The following SLITRK1 variants were observed in gnomAD, a reference collection of about 807,000 sequenced individuals.
The protein encoded by SLITRK1 is SLIT and NTRK like family member 1.
Under a neutral mutation model 42.4 loss-of-function variants are expected in SLITRK1, and 10 were observed. The ratio of observed to expected loss-of-function variants is 0.24; its 90% CI spans 0.15 to 0.40. SLITRK1 has a LOEUF of 0.40. SLITRK1 is among the 10% of genes least tolerant of loss of function. The probability of loss-of-function intolerance (pLI) is 1.00; values close to 1 mark genes in which losing one functional copy is unlikely to be tolerated. For synonymous variants in SLITRK1, 389 were observed against 365.7 expected, an observed-to-expected ratio of 1.06 and a Z score of -0.73; for missense variants, 778 against 848.8, an observed-to-expected ratio of 0.92 and a Z score of 1.04.
In SLITRK1 at chr13:83,880,063, A is replaced by C. The variant is rs1327591074; in HGVS notation, c.1445T>G (p.Leu482Arg). 6.2e-7 allele frequency: 1 copy of C among 1,614,014 alleles called. No individual in the cohort carries two copies. The highest frequency in any genetic ancestry group is 2.2e-5 in the East Asian group (1 of 44,838). ...KLRILILNNN[L>R]LRSLPVDVFA... ...CACGTCCACAGGCAGGGACCTCAGC[A>C]GGTTGTTGTTGAGAATGAGGATCCT... Residue 482 changes from leucine to arginine, a missense_variant, in exon 2 of 2, where the codon CTG becomes CGG. By Grantham distance (102) the Leu-to-Arg change is moderately radical. Coordinates refer to ENST00000674365, the MANE Select transcript of SLITRK1 (RefSeq NM_001281503.2).
chr13:83,877,631 A>T lies in SLITRK1; in HGVS notation c.*1786T>A, dbSNP rs1353514003. The T allele has an allele frequency of 1.6e-5, 2 of 123,772 alleles. No individual in the cohort carries two copies. Among genetic ancestry groups the T allele is most frequent in the Non-Finnish European group, 3.1e-5 (2 of 63,690 alleles). 7.7% of individuals were successfully genotyped at this position (123,772 alleles called of 1,614,324 possible). The stretch of plus-strand genomic sequence containing the variant: ...AGAGAAACACTTCTTTAGGATAATG[A>T]TTAATTTCCATAAAGATGAGTGCTT... On this transcript the variant is annotated 3_prime_UTR_variant, in exon 2 of 2. Transcript: ENST00000674365.
Position 83,881,243 on chromosome 13 carries a change from T to A in SLITRK1, c.265A>T (p.Met89Leu). 6.2e-7 allele frequency: 1 copy of A among 1,614,112 alleles called. No individual in the cohort carries two copies. Residue 89 changes from methionine (M) to leucine (L), a missense_variant, in exon 2 of 2, where the codon ATG becomes TTG. Physicochemically the swap from Met to Leu is conservative, Grantham distance 15. Transcript: ENST00000674365. ...ATTTCATGCAAGCCATTGTTTTCCA[T>A]GTGCAAACTAACCGCATTATAAAAG... ...ANFYNAVSLH[M>L]ENNGLHEIVP...
chr13:83,881,685 T>C lies in SLITRK1; in HGVS notation c.-53-125A>G, dbSNP rs144821830. 9.3e-4 allele frequency: 557 copies of C among 598,116 alleles called. 3 individuals carry two copies. The highest frequency in any genetic ancestry group is 7.8e-3 in the East Asian group (228 of 29,086). The allele number at this position is 598,116 out of a possible 1,614,324, so 37.1% of individuals were successfully genotyped here. ...CCTCCCTAACCCCCCCGCACTGCAA[T>C]AGCCCAGACGCCAGTCAATAATTAT... On this transcript the variant is annotated intron_variant, in intron 1 of 1. Transcript: ENST00000674365.
chr13:83,881,693 A>C, intron 1 of SLITRK1, 133 bp from the exon 2 acceptor site: 1 of 561,178 alleles, frequency 1.8e-6, no homozygotes, highest in Non-Finnish European at 3.2e-6. Flanking sequence ...AATAGCCCAG[A>C]CGCCAGTCAA....
Position 83,880,651 on chromosome 13 carries a change from A to T in SLITRK1, c.857T>A (p.Leu286Gln), listed in dbSNP as rs779033107. ...CCCATTTGTCTTGAAAGGAGTTGGC[A>T]GGGGTCCAGGAGCAAAGGTCTCTTC... ...AQEETFAPGP[L>Q]PTPFKTNGQE... Residue 286 changes from leucine (L) to glutamine (Q), a missense_variant, in exon 2 of 2, where the codon CTG (leucine) becomes CAG (glutamine). Leu to Gln is a moderately radical substitution (Grantham distance 113). Around this residue, in one of 4 missense-constraint regions of SLITRK1, gnomAD observed 395 missense variants for 360.4 expected, o/e 1.10. Coordinates refer to ENST00000674365, the MANE Select transcript of SLITRK1 (RefSeq NM_001281503.2). 1.2e-6 allele frequency: 2 copies of T among 1,614,076 alleles called. No individual in the cohort carries two copies. The highest frequency in any genetic ancestry group is 4.5e-5 in the East Asian group (2 of 44,864).
At position 83,881,325 on chromosome 13, in the gene SLITRK1, G is replaced by GT; in HGVS notation, c.182dup (p.Tyr61Ter). 1 of 1,614,144 alleles carries GT rather than the reference G, an allele frequency of 6.2e-7. No individual in the cohort carries two copies. Among genetic ancestry groups the GT allele is most frequent in the Non-Finnish European group, 8.5e-7 (1 of 1,180,036 alleles). The change falls in exon 2 of 2, where the codon TAC (tyrosine) becomes TAAC (stop). Residue 61 changes from tyrosine (Y) to a stop codon, truncating the protein, a stop_gained and frameshift_variant. Coordinates refer to ENST00000674365, the MANE Select transcript of SLITRK1 (RefSeq NM_001281503.2). LOFTEE classifies it high-confidence loss of function. ...QRFTAPTSQF[Y>*]HLFLHGNSLT... ...GGGAATTGCCATGCAGAAATAAATG[G>GT]TAAAACTGGGAAGTCGGGGCAGTGA...
At position 83,879,750 on chromosome 13, in the gene SLITRK1, C is replaced by A. The variant is rs1342232075; in HGVS notation, c.1758G>T (p.Ser586=). 1 of 1,613,758 alleles carries A rather than the reference C, an allele frequency of 6.2e-7. No homozygotes were observed. Among genetic ancestry groups the A allele is most frequent in the African/African-American group, 1.3e-5 (1 of 74,858 alleles). ...EICPQLYARI[S]PTLTSHSKNS... ...TTTTACTGTGCGAAGTTAACGTGGG[C>A]GAGATCCTAGCGTACAGCTGAGGGC... The change falls in exon 2 of 2, where the codon TCG becomes TCT. Residue 586 remains serine, a synonymous_variant. Transcript: ENST00000674365.
In SLITRK1 at chr13:83,879,233, A is replaced by C; in HGVS notation, c.*184T>G. On this transcript the variant is annotated 3_prime_UTR_variant, in exon 2 of 2. Transcript: ENST00000674365. The stretch of plus-strand genomic sequence containing the variant: ...TCTCCACAGTCTGCTCTTTGTTTCA[A>C]GGAGGGAGCTAAGTAAGGGGTCAGG... 1.5e-6 allele frequency: 1 copy of C among 687,342 alleles called. No individual in the cohort carries two copies. Among genetic ancestry groups the C allele is most frequent in the Non-Finnish European group, 2.4e-6 (1 of 408,174 alleles). The allele number at this position is 687,342 out of a possible 1,614,324, so 42.6% of individuals were successfully genotyped here. A position where few individuals can be genotyped will look rare whatever the true frequency, so the allele number is the denominator to read the frequency against.
chr13:83,879,957 C>T lies in SLITRK1; in HGVS notation c.1551G>A (p.Gln517=). The change falls in exon 2 of 2, where the codon CAG becomes CAA. Residue 517 remains glutamine (Q), a synonymous_variant. Transcript: ENST00000674365. ...GGTCTATCTGGATGATGGAGGTTAA[C>T]TGGTCCAGCACCCCTGCCACCGGGA... ...MYLPVAGVLD[Q]LTSIIQIDLH... 1.2e-6 allele frequency: 2 copies of T among 1,614,086 alleles called. No individual in the cohort carries two copies. Among genetic ancestry groups the T allele is most frequent in the Non-Finnish European group, 1.7e-6 (2 of 1,180,028 alleles).
chr13:83,881,002 A>T lies in SLITRK1; in HGVS notation c.506T>A (p.Leu169Gln). 1 of 1,614,082 alleles carries T rather than the reference A, an allele frequency of 6.2e-7. No homozygotes were observed. The highest frequency in any genetic ancestry group is 8.5e-7 in the Non-Finnish European group (1 of 1,180,010). The part of the protein sequence containing the change: ...LILNDNLIST[L>Q]PANVFQYVPI... ...CACATACTGGAACACGTTGGCAGGT[A>T]GGGTGCTGATGAGATTGTCATTTAA... is the stretch of plus-strand genomic sequence containing the variant. Residue 169 changes from leucine (L) to glutamine (Q), a missense_variant, in exon 2 of 2, where the codon CTA becomes CAA. Coordinates refer to ENST00000674365, the MANE Select transcript of SLITRK1 (RefSeq NM_001281503.2).
rs1229655005 is a variant in SLITRK1 at position 83,881,475 on chromosome 13, A to T, written c.33T>A (p.Ser11=). 2 of 1,613,970 alleles carry T rather than the reference A, an allele frequency of 1.2e-6. No homozygotes were observed. The highest frequency in any genetic ancestry group is 1.7e-6 in the Non-Finnish European group (2 of 1,180,048). Residue 11 remains serine (S), a synonymous_variant, in exon 2 of 2, where the codon TCT becomes TCA. Transcript: ENST00000674365. MLLWILLLET[S]LCFAAGNVTG... is the part of the protein sequence containing the mutation. ...TAACGTTTCCAGCGGCAAAACAAAG[A>T]GACGTCTCCAGCAACAGAATCCAAA... is the stretch of plus-strand genomic sequence containing the variant.
At chr13:83,881,926 G>C (rs1403470601) in intron 1 of SLITRK1, 78 bp downstream of exon 1, 1 of 184,824 alleles carries the variant, frequency 5.4e-6, no homozygotes, top group Non-Finnish European at 1.3e-5. Context: ...AGAAGCAAGT[G>C]CATGTTAGAG....
Position 83,881,056 on chromosome 13 carries a change from T to A in SLITRK1, c.452A>T (p.Gln151Leu). 1.2e-6 allele frequency: 2 copies of A among 1,614,028 alleles called. No individual in the cohort carries two copies. The highest frequency in any genetic ancestry group is 1.7e-6 in the Non-Finnish European group (2 of 1,180,014). The change falls in exon 2 of 2, where the codon CAG (glutamine) becomes CTG (leucine). Residue 151 changes from glutamine (Q) to leucine (L), a missense_variant. Coordinates refer to ENST00000674365, the MANE Select transcript of SLITRK1 (RefSeq NM_001281503.2). ...LLRDIDPGAF[Q>L]DLNKLEVLIL... Reference sequence around the variant, plus strand: ...GAGCACCTCCAGCTTGTTCAAGTCCTGGAAGGCCCCCGGGTCTATATCTCG... The same window carrying A: ...GAGCACCTCCAGCTTGTTCAAGTCCAGGAAGGCCCCCGGGTCTATATCTCG...
Position 83,880,629 on chromosome 13 carries a change from A to G in SLITRK1, c.879T>C (p.Asn293=). Residue 293 remains asparagine (N), a synonymous_variant, in exon 2 of 2, where the codon AAT becomes AAC. Coordinates refer to ENST00000674365, the MANE Select transcript of SLITRK1 (RefSeq NM_001281503.2). ...PGPLPTPFKT[N]GQEDHATPGS... ...CTGGTGTGGCATGATCCTCTTGCCC[A>G]TTTGTCTTGAAAGGAGTTGGCAGGG... 2 of 1,613,932 alleles carry G rather than the reference A, an allele frequency of 1.2e-6. No individual in the cohort carries two copies. The highest frequency in any genetic ancestry group is 1.7e-6 in the Non-Finnish European group (2 of 1,179,984).
At position 83,877,456 on chromosome 13, in the gene SLITRK1, G is replaced by A. The variant is rs1389546616; in HGVS notation, c.*1961C>T. ...TGGAATGCAGACTCCATCAATATGT[G>A]TGGTTTTGTTTGCTTTTTGTAGCTT... is the stretch of plus-strand genomic sequence containing the variant. On this transcript the variant is annotated 3_prime_UTR_variant, in exon 2 of 2. Coordinates refer to ENST00000674365, the MANE Select transcript of SLITRK1 (RefSeq NM_001281503.2). 6.6e-6 allele frequency: 1 copy of A among 152,074 alleles called. No individual in the cohort carries two copies. The highest frequency in any genetic ancestry group is 1.9e-4 in the East Asian group (1 of 5,170). 9.4% of individuals were successfully genotyped at this position (152,074 alleles called of 1,614,324 possible). A position where few individuals can be genotyped will look rare whatever the true frequency, so the allele number is the denominator to read the frequency against.
chr13:83,880,509 T>G lies in SLITRK1; in HGVS notation c.999A>C (p.Lys333Asn), dbSNP rs760138011. 3.8e-5 allele frequency: 61 copies of G among 1,613,760 alleles called. 1 individual carries two copies. In the Middle Eastern group the frequency reaches 2.3e-3, roughly 61 times the overall value. Residue 333 changes from lysine to asparagine, a missense_variant, in exon 2 of 2, where the codon AAA becomes AAC. Physicochemically the swap from Lys to Asn is moderately conservative, Grantham distance 94. This residue lies in a region of SLITRK1 where 395 missense variants were observed against 360.4 expected (regional missense o/e 1.10). Coordinates refer to ENST00000674365, the MANE Select transcript of SLITRK1 (RefSeq NM_001281503.2). ...AAIATGSSRN[K>N]PLANSLPCPG... ...GGCAGGGTAAACTGTTAGCTAAGGG[T>G]TTGTTCCTGGAGCTACCCGTCGCTA...
chr13:83,879,968 C>G lies in SLITRK1; in HGVS notation c.1540G>C (p.Val514Leu). The change falls in exon 2 of 2, where the codon GTG becomes CTG. Residue 514 changes from valine to leucine, a missense_variant. By Grantham distance (32) the Val-to-Leu change is conservative. This residue lies in a region of SLITRK1 where 395 missense variants were observed against 360.4 expected (regional missense o/e 1.10). Coordinates refer to ENST00000674365, the MANE Select transcript of SLITRK1 (RefSeq NM_001281503.2). ...NYFMYLPVAG[V>L]LDQLTSIIQI... ...ATGATGGAGGTTAACTGGTCCAGCA[C>G]CCCTGCCACCGGGAGGTACATGAAG... 6.2e-7 allele frequency: 1 copy of G among 1,614,054 alleles called. No individual in the cohort carries two copies.
Position 83,879,581 on chromosome 13 carries a change from G to A in SLITRK1, c.1927C>T (p.Leu643=). 6.2e-7 allele frequency: 1 copy of A among 1,614,062 alleles called. No homozygotes were observed. Among genetic ancestry groups the A allele is most frequent in the Non-Finnish European group, 8.5e-7 (1 of 1,180,016 alleles). The change falls in exon 2 of 2, where the codon CTG becomes TTG. Residue 643 remains leucine (L), a synonymous_variant. Transcript: ENST00000674365. ...CTCTTGGACCGCTTTCGGTTCCTCA[G>A]GATAAACACGAGCATGCCCACCACG... ...FTVVGMLVFI[L]RNRKRSKRRD... is the part of the protein sequence containing the mutation.
rs1884749999 is a variant in SLITRK1, at chr13:83,879,116, G to A, written c.*301C>T. The A allele has an allele frequency of 2.3e-6, 1 of 433,828 alleles. No homozygotes were observed. Among genetic ancestry groups the A allele is most frequent in the South Asian group, 2.2e-5 (1 of 46,056 alleles). The allele number at this position is 433,828 out of a possible 1,614,324, so 26.9% of individuals were successfully genotyped here. A position where few individuals can be genotyped will look rare whatever the true frequency, so the allele number is the denominator to read the frequency against. ...CCCCACAGGCCCCGGGGCCGAGGGC[G>A]AGGGCACTGTCAGTTCTTCCAGCAG... On this transcript the variant is annotated 3_prime_UTR_variant, in exon 2 of 2. Transcript: ENST00000674365.
Sources: allele counts gnomAD v4.1 joint callset, GRCh38; gene constraint gnomAD v4.1.1; regional missense constraint gnomAD v4.1.1; transcripts MANE v1.5; gene names NCBI Gene and HGNC (gene_info 2026-07-23, HGNC 2026-07-21).